Variants in C5AR2 observed in about 807,000 individuals in gnomAD.
C5AR2 encodes the protein complement C5a receptor 2, also known as C5a anaphylatoxin chemotactic receptor 2.
For missense variants in C5AR2, 458 were observed against 467.5 expected (o/e 0.98, Z 0.19); for synonymous variants, 224 against 216.5 (o/e 1.03, Z -0.30).
Position 47,340,777 on chromosome 19 carries a change from C to G in C5AR2, c.-15-8C>G, listed in dbSNP as rs756293326. ...TCTGAGTTTTCATCGTCTTTCTCTC[C>G]TGCCCAGACACCAGGAGCCTGAATG... On this transcript the variant is annotated splice_region_variant and splice_polypyrimidine_tract_variant and intron_variant, in intron 1 of 1. Coordinates refer to ENST00000595464, the MANE Select transcript of C5AR2 (RefSeq NM_001271749.2). The G allele has an allele frequency of 6.2e-7, 1 of 1,612,874 alleles. No homozygotes were observed. The highest frequency in any genetic ancestry group is 8.5e-7 in the Non-Finnish European group (1 of 1,179,718).
rs549598428 is a variant in C5AR2 at position 47,343,502 on chromosome 19, G to A, written c.*1689G>A. 1 of 152,202 alleles carries A rather than the reference G, an allele frequency of 6.6e-6. No individual in the cohort carries two copies. The highest frequency in any genetic ancestry group is 2.4e-5 in the African/African-American group (1 of 41,546). The allele number at this position is 152,202 out of a possible 1,614,324, so 9.4% of individuals were successfully genotyped here. Reference sequence around the variant, plus strand: ...GTTCAACAATCAAGAGCCATCTGTGGCTATTCAAATTCGAATCAATTGGCC... The same window carrying A: ...GTTCAACAATCAAGAGCCATCTGTGACTATTCAAATTCGAATCAATTGGCC... On this transcript the variant is annotated 3_prime_UTR_variant, in exon 2 of 2. Transcript: ENST00000595464.
Position 47,345,358 on chromosome 19 carries a change from CTTTTTTT to C in C5AR2, c.*3562_*3568del, listed in dbSNP as rs34783812. ...GCTCAGTCAGAAAGCACTGGTATCA[CTTTTTTT>C]TTTTTTTTTTTTTTTTGAGACGGAG... On this transcript the variant is annotated 3_prime_UTR_variant, in exon 2 of 2. Transcript: ENST00000595464. The C allele has an allele frequency of 9.9e-5, 11 of 111,100 alleles. No individual in the cohort carries two copies. Among genetic ancestry groups the C allele is most frequent in the African/African-American group, 1.9e-4 (5 of 26,838 alleles). The allele number at this position is 111,100 out of a possible 1,614,324, so 6.9% of individuals were successfully genotyped here. A position where few individuals can be genotyped will look rare whatever the true frequency, so the allele number is the denominator to read the frequency against.
intron 1 of C5AR2, among the ~76,000 whole-genome samples, chr19:47,336,256 A>C (rs567340946): frequency 1.3e-5 from 2 of 151,756 alleles, no homozygotes; most frequent in South Asian, 4.2e-4. Flanking sequence ...TGCCTGGCTG[A>C]TTTTTGTATT....
chr19:47,340,695 T>C, intron 1 of C5AR2, 90 bp from the exon 2 acceptor site: 1 of 1,183,132 alleles, frequency 8.5e-7, no homozygotes, highest in Non-Finnish European at 1.3e-6. Flanking sequence ...GTTTGCAAGG[T>C]GCTGGTGGGC....
Position 47,341,836 on chromosome 19 carries a change from G to T in C5AR2, c.*23G>T, listed in dbSNP as rs531288928. 1 of 1,605,122 alleles carries T rather than the reference G, an allele frequency of 6.2e-7. No individual in the cohort carries two copies. Among genetic ancestry groups the T allele is most frequent in the South Asian group, 1.1e-5 (1 of 90,712 alleles). ...TAGGCTGGAGAGACATTGTGGGTGT[G>T]TATCTTCTTATCTCATTTCACAAGA... On this transcript the variant is annotated 3_prime_UTR_variant, in exon 2 of 2. Transcript: ENST00000595464. This position sits in a 1 kb window ranked among gnomAD's most constrained non-coding sequence, Gnocchi z 4.6.
intron 1 of C5AR2, among the ~76,000 whole-genome samples, chr19:47,339,944 ATTTC>A (rs769162931): frequency 5.3e-5 from 8 of 151,410 alleles, no homozygotes; most frequent in East Asian, 1.9e-4. Flanking sequence ...GATTTTGCTC[ATTTC>A]TTTCTTTCTT....
chr19:47,332,773 C>T (rs2059344438), intron 1 of C5AR2, among the ~76,000 whole-genome samples: 1 of 152,110 alleles, frequency 6.6e-6, no homozygotes, highest in African/African-American at 2.4e-5. Flanking sequence ...AGGCTGGTCT[C>T]GAACTCCCGA....
At chr19:47,336,480 CCTTCCTTCCTTTCTTTCTTT>C (rs2059358749) in intron 1 of C5AR2, among the ~76,000 whole-genome samples, 4 of 70,162 alleles carry the variant, frequency 5.7e-5, no homozygotes, top group Admixed American at 1.6e-4. Flanking sequence ...TTCCTTCCTT[CCTTCCTTCCTTTCTTTCTTT>C]CTTTCTTTCT....
intron 1 of C5AR2, among the ~76,000 whole-genome samples, chr19:47,335,961 G>C (rs182861705): frequency 1.1e-4 from 16 of 151,836 alleles, no homozygotes; most frequent in Non-Finnish European, 2.1e-4. Context: ...CTTCTAACTT[G>C]TTGAATTCTT....
At chr19:47,340,221 C>T (rs1379229279) in intron 1 of C5AR2, among the ~76,000 whole-genome samples, 2 of 151,930 alleles carry the variant, frequency 1.3e-5, no homozygotes, top group East Asian at 3.9e-4. Flanking sequence ...CCTCTCAAAT[C>T]GTTGGGATTA....
chr19:47,337,113 G>A (rs1424760651), intron 1 of C5AR2: 1 of 152,764 alleles, frequency 6.5e-6, no homozygotes, highest in Non-Finnish European at 1.5e-5. Context: ...GTCTACCGGA[G>A]CCTGTGTGCC....
rs1020109060 is a variant in C5AR2, at chr19:47,334,116, C to T, written c.-16+1767C>T. On this transcript the variant is annotated intron_variant, in intron 1 of 1. Coordinates refer to ENST00000595464, the MANE Select transcript of C5AR2 (RefSeq NM_001271749.2). Reference sequence around the variant, plus strand: ...TCTGTCCCAGATGCCAGGGACACAGCGGCACCCGAGGCTGGAAGGAGCTGA... The same window carrying T: ...TCTGTCCCAGATGCCAGGGACACAGTGGCACCCGAGGCTGGAAGGAGCTGA... 4.6e-5 allele frequency among the ~76,000 whole-genome samples: 7 copies of T among 152,058 alleles called. No individual in the cohort carries two copies. The East Asian group carries it at 7.7e-4, about 17-fold the overall frequency.
chr19:47,339,903 T>C (rs2059375468), intron 1 of C5AR2, among the ~76,000 whole-genome samples: 1 of 152,132 alleles, frequency 6.6e-6, no homozygotes, highest in Non-Finnish European at 1.5e-5. Context: ...TCCCATAGTA[T>C]TTATTATCTT....
chr19:47,334,929 T>C (rs2059351753), intron 1 of C5AR2, among the ~76,000 whole-genome samples: 1 of 151,320 alleles, frequency 6.6e-6, no homozygotes, highest in Non-Finnish European at 1.5e-5. Context: ...CTGTCACCCA[T>C]GCTGGAGTGC....
chr19:47,337,154 A>G (rs2059361407), intron 1 of C5AR2: 1 of 151,626 alleles, frequency 6.6e-6, no homozygotes, highest in Non-Finnish European at 1.5e-5. Context: ...CTCCTCAAGG[A>G]CTCCCAAAAC....
rs1969103214 is a variant in C5AR2 at position 47,345,295 on chromosome 19, C to T, written c.*3482C>T. On this transcript the variant is annotated 3_prime_UTR_variant, in exon 2 of 2. Transcript: ENST00000595464. Reference sequence around the variant, plus strand: ...TGGACAGGGGTGACGATATACCTGCCTAACTCTTAGGATCTATTGGATTCA... The same window carrying T: ...TGGACAGGGGTGACGATATACCTGCTTAACTCTTAGGATCTATTGGATTCA... 1 of 151,968 alleles carries T rather than the reference C, an allele frequency of 6.6e-6. No individual in the cohort carries two copies. The highest frequency in any genetic ancestry group is 1.5e-5 in the Non-Finnish European group (1 of 68,202). 9.4% of individuals were successfully genotyped at this position (151,968 alleles called of 1,614,324 possible).
At position 47,341,227 on chromosome 19, in the gene C5AR2, C is replaced by T; in HGVS notation, c.428C>T (p.Ser143Phe). The stretch of plus-strand genomic sequence containing the variant: ...CTGGCTCTCGGGCCTGCCTGGTGGT[C>T]TACGGTTCAGCGGGCGTGCGGGGTG... ...CFLALGPAWW[S>F]TVQRACGVQV... Residue 143 changes from serine to phenylalanine, a missense_variant, in exon 2 of 2, where the codon TCT becomes TTT. Coordinates refer to ENST00000595464, the MANE Select transcript of C5AR2 (RefSeq NM_001271749.2). This position sits in a 1 kb window ranked among gnomAD's most constrained non-coding sequence, Gnocchi z 4.6. 2 of 1,601,784 alleles carry T rather than the reference C, an allele frequency of 1.2e-6. No homozygotes were observed. The highest frequency in any genetic ancestry group is 1.7e-6 in the Non-Finnish European group (2 of 1,179,868).
rs1969129244 is a variant in C5AR2 at position 47,347,032 on chromosome 19, AAGTCTGTGCAATGT to A, written c.*5220_*5233del. The A allele has an allele frequency of 6.6e-6, 1 of 152,228 alleles. No individual in the cohort carries two copies. Among genetic ancestry groups the A allele is most frequent in the Non-Finnish European group, 1.5e-5 (1 of 68,040 alleles). 9.4% of individuals were successfully genotyped at this position (152,228 alleles called of 1,614,324 possible). ...ACATTTCACGGGAATTTTCAAATTT[AAGTCTGTGCAATGT>A]TACATAAAATACCTTTGATTATTAA... is the stretch of plus-strand genomic sequence containing the variant. On this transcript the variant is annotated 3_prime_UTR_variant, in exon 2 of 2. Transcript: ENST00000595464.
chr19:47,335,371 C>T (rs1399778698), intron 1 of C5AR2, among the ~76,000 whole-genome samples: 1 of 151,974 alleles, frequency 6.6e-6, no homozygotes, highest in African/African-American at 2.4e-5. Context: ...AGAAATGGAA[C>T]AACGTATGTT....
Sources: gnomAD v4.1 joint callset for allele counts (sites outside exome capture counted in the v4.1 genomes callset) on GRCh38, gnomAD v4.1.1 for gene constraint, Gnocchi (gnomAD v3.1) non-coding constraint, MANE v1.5 for transcripts, NCBI Gene and HGNC (gene_info 2026-07-23, HGNC 2026-07-21) for gene names.